LIMA1: variants seen among roughly 807,000 people sequenced by gnomAD.
The protein encoded by LIMA1 is LIM domain and actin-binding protein 1.
Under a neutral mutation model 62.6 loss-of-function variants are expected in LIMA1, and 52 were observed. The observed-to-expected ratio is 0.83, with a 90% CI of 0.67 to 1.05. The LOEUF (loss-of-function observed/expected upper bound fraction) is 1.05. Among genes scored for constraint, LIMA1 ranks in the 50% least tolerant of loss-of-function variants. LIMA1 has a pLI of 0.00. For synonymous variants in LIMA1, 302 were observed against 317.8 expected (o/e 0.95, Z 0.53); for missense variants, 780 against 902.2 (o/e 0.86, Z 1.74).
chr12:50,254,021 C>T (rs1941962359), intron 1 of LIMA1, among the ~76,000 whole-genome samples: 2 of 103,438 alleles, frequency 1.9e-5, no homozygotes, highest in East Asian at 3.5e-4. Flanking sequence ...GAGCGAGACT[C>T]TGTCTCAAAA....
At chr12:50,180,564 A>G (rs931451139) in intron 10 of LIMA1, among the ~76,000 whole-genome samples, 1 of 152,178 alleles carries the variant, frequency 6.6e-6, no homozygotes, top group Non-Finnish European at 1.5e-5. Context: ...GGGCACTCCC[A>G]AAATGCTAGG....
At chr12:50,251,866 G>T (rs894378626) in intron 1 of LIMA1, among the ~76,000 whole-genome samples, 1 of 152,116 alleles carries the variant, frequency 6.6e-6, no homozygotes, top group East Asian at 1.9e-4. Context: ...GACCACACTT[G>T]TCTTCACAGA....
chr12:50,178,042 T>C lies in LIMA1; in HGVS notation c.1302A>G (p.Gly434=), dbSNP rs769833850. ...TGAAGTGAGGCTTACAATAGATTCT[T>C]CCATGTAAAGATGCATATGTTCCTA... ...LSLGTYASLH[G]RIYCKPHFNQ... is the part of the protein sequence containing the mutation. The change falls in exon 11 of 11, where the codon GGA becomes GGG. Residue 434 remains glycine, a synonymous_variant. Coordinates refer to ENST00000341247, the MANE Select transcript of LIMA1 (RefSeq NM_016357.5). 2.1e-5 allele frequency: 33 copies of C among 1,543,134 alleles called. No individual in the cohort carries two copies. The highest frequency in any genetic ancestry group is 2.9e-5 in the Non-Finnish European group (33 of 1,150,086).
Position 50,190,623 on chromosome 12 carries a change from G to A in LIMA1, c.1140+1829C>T, listed in dbSNP as rs1032302269. On this transcript the variant is annotated intron_variant, in intron 9 of 10. Transcript: ENST00000341247. ...TTGAACTCCCGACCTCAGGTGATCC[G>A]CCCGTCTCAGCCTCCCAAAGTGCTG... 4.4e-5 allele frequency among the ~76,000 whole-genome samples: 6 copies of A among 135,430 alleles called. No individual in the cohort carries two copies. In the East Asian group the frequency reaches 8.3e-4, roughly 19 times the overall value. 88.8% of individuals were successfully genotyped at this position (135,430 alleles called of 152,430 possible). A position where few individuals can be genotyped will look rare whatever the true frequency, so the allele number is the denominator to read the frequency against.
intron 7 of LIMA1, among the ~76,000 whole-genome samples, chr12:50,200,484 A>G (rs1208580088): frequency 1.3e-5 from 2 of 152,264 alleles, no homozygotes; most frequent in East Asian, 3.8e-4. Flanking sequence ...TACAGGCGTG[A>G]GCCACTGTGC....
intron 10 of LIMA1, among the ~76,000 whole-genome samples, chr12:50,181,619 G>C (rs539429635): frequency 2.6e-5 from 4 of 152,122 alleles, no homozygotes; most frequent in Admixed American, 2.0e-4. Flanking sequence ...TGATACCAAG[G>C]GAAAACATTC....
At chr12:50,205,166 G>T (rs1941127895) in intron 5 of LIMA1, among the ~76,000 whole-genome samples, 1 of 151,946 alleles carries the variant, frequency 6.6e-6, no homozygotes, top group Non-Finnish European at 1.5e-5. Flanking sequence ...CAGCTTTGAA[G>T]TCTTGGGCTC....
At chr12:50,234,768 C>T (rs1190326475) in intron 2 of LIMA1, among the ~76,000 whole-genome samples, 3 of 152,128 alleles carry the variant, frequency 2.0e-5, no homozygotes, top group Non-Finnish European at 4.4e-5. Flanking sequence ...AATCCCAGCA[C>T]TTTGGGAGGC....
chr12:50,202,365 G>T (rs958865769), intron 6 of LIMA1, among the ~76,000 whole-genome samples: 1 of 152,000 alleles, frequency 6.6e-6, no homozygotes, highest in Non-Finnish European at 1.5e-5. Context: ...CAGGAGAACT[G>T]TAATGCAGAA....
intron 1 of LIMA1, chr12:50,249,891 T>C (rs1236847534): frequency 6.6e-6 from 1 of 152,184 alleles, no homozygotes; most frequent in Non-Finnish European, 1.5e-5. Context: ...GCATAACTGA[T>C]CTGGTTGAAT....
chr12:50,200,689 G>T, intron 7 of LIMA1, 88 bp downstream of exon 7: 1 of 1,394,690 alleles, frequency 7.2e-7, no homozygotes, highest in East Asian at 2.3e-5. Flanking sequence ...ACACTCTACA[G>T]CCTAGAGTTA....
chr12:50,176,916 G>T lies in LIMA1; in HGVS notation c.*148C>A, dbSNP rs919298748. On this transcript the variant is annotated 3_prime_UTR_variant, in exon 11 of 11. Coordinates refer to ENST00000341247, the MANE Select transcript of LIMA1 (RefSeq NM_016357.5). ...TTTTGTGTTTTTTTGTTTTGTTTTT[G>T]ATTTTAAGAAGGAATTCTTTTCCAA... The T allele has an allele frequency of 7.8e-6, 5 of 640,456 alleles. No individual in the cohort carries two copies. Among genetic ancestry groups the T allele is most frequent in the South Asian group, 3.4e-5 (1 of 29,228 alleles). 39.7% of individuals were successfully genotyped at this position (640,456 alleles called of 1,614,324 possible).
chr12:50,208,992 CT>C (rs34753640), intron 4 of LIMA1, among the ~76,000 whole-genome samples: 335 of 136,206 alleles, frequency 2.5e-3, no homozygotes, highest in Admixed American at 3.3e-3. Flanking sequence ...TTCTTTCTTT[CT>C]TTTTTTTTTT....
chr12:50,186,655 G>C (rs1940637719), intron 9 of LIMA1: 1 of 152,178 alleles, frequency 6.6e-6, no homozygotes, highest in Admixed American at 6.5e-5. Context: ...CTAAAACCTT[G>C]CTATATAAAG....
chr12:50,222,072 C>A lies in LIMA1; in HGVS notation c.579G>T (p.Pro193=). ...ASGKIEKYNV[P]LNRLKMMFEK... ...CAAACATCATCTTAAGCCTGTTCAG[C>A]GGAACATTATATTTCTCTATTTTGC... The change falls in exon 4 of 11, where the codon CCG becomes CCT. Residue 193 remains proline (P), a synonymous_variant. Transcript: ENST00000341247. 1 of 1,614,074 alleles carries A rather than the reference C, an allele frequency of 6.2e-7. No individual in the cohort carries two copies. The highest frequency in any genetic ancestry group is 1.3e-5 in the African/African-American group (1 of 75,000).
chr12:50,180,232 G>A (rs1183410921), intron 10 of LIMA1, among the ~76,000 whole-genome samples: 12 of 151,602 alleles, frequency 7.9e-5, no homozygotes, highest in African/African-American at 2.9e-4. Flanking sequence ...CCTGGGAGGT[G>A]GAGGTTGCAG....
rs2138427377 is a variant in LIMA1 at position 50,192,558 on chromosome 12, T to C, written c.1034A>G (p.Asp345Gly). 3 of 1,609,416 alleles carry C rather than the reference T, an allele frequency of 1.9e-6. No homozygotes were observed. Among genetic ancestry groups the C allele is most frequent in the Non-Finnish European group, 2.6e-6 (3 of 1,175,838 alleles). The change falls in exon 9 of 11, where the codon GAC (aspartate) becomes GGC (glycine). Residue 345 changes from aspartate to glycine, a missense_variant. By Grantham distance (94) the Asp-to-Gly change is moderately conservative. Transcript: ENST00000341247. ...RSTPAEDDSR[D>G]SQVKSEVQQP... Reference sequence around the variant, plus strand: ...TTGAACCTCACTCTTAACCTGGGAGTCACCTGCTTGAGTTACAAAAGGAAG... The same window carrying C: ...TTGAACCTCACTCTTAACCTGGGAGCCACCTGCTTGAGTTACAAAAGGAAG...
chr12:50,278,370 A>C (rs1215909581), intron 1 of LIMA1, among the ~76,000 whole-genome samples: 1 of 152,118 alleles, frequency 6.6e-6, no homozygotes, highest in African/African-American at 2.4e-5. Context: ...TGCAGTGAGC[A>C]GAGATCGTGC....
intron 3 of LIMA1, among the ~76,000 whole-genome samples, chr12:50,228,667 C>A (rs1307213825): frequency 6.6e-6 from 1 of 152,188 alleles, no homozygotes; most frequent in Non-Finnish European, 1.5e-5. Context: ...TTATCCGCAG[C>A]GGGGATCTCT....
Sources: gnomAD v4.1 joint callset for allele counts (sites outside exome capture counted in the v4.1 genomes callset) on GRCh38, gnomAD v4.1.1 for gene constraint, MANE v1.5 for transcripts, NCBI Gene and HGNC (gene_info 2026-07-23, HGNC 2026-07-21) for gene names.